Variants in DSCAM observed in about 807,000 individuals in gnomAD.
DSCAM encodes cell adhesion molecule DSCAM.
In DSCAM, 47 loss-of-function variants were observed where a neutral mutation model predicts 217.7. The ratio of observed to expected loss-of-function variants is 0.22; its 90% CI spans 0.17 to 0.28. The LOEUF is 0.28. Among genes scored for constraint, DSCAM ranks in the 10% least tolerant of loss-of-function variants. The pLI is 1.00. For missense variants in DSCAM, 2,080 were observed against 2,618.3 expected, an observed-to-expected ratio of 0.79 and a Z score of 4.49; for synonymous variants, 1,056 against 1,015.3, an observed-to-expected ratio of 1.04 and a Z score of -0.76.
intron 15 of DSCAM, 126 bp downstream of exon 15, chr21:40,178,801 G>C: frequency 8.8e-7 from 1 of 1,136,054 alleles, no homozygotes; most frequent in Non-Finnish European, 1.3e-6. Flanking sequence ...ACAGAACTAC[G>C]GAGAGCACGC....
At chr21:40,256,354 T>C (rs963810634) in intron 11 of DSCAM, among the ~76,000 whole-genome samples, 6 of 151,350 alleles carry the variant, frequency 4.0e-5, no homozygotes, top group African/African-American at 1.5e-4. Context: ...AAATCTGCAT[T>C]AGTCAGGGCT....
intron 1 of DSCAM, among the ~76,000 whole-genome samples, chr21:40,815,624 G>A (rs916350806): frequency 2.0e-5 from 3 of 152,178 alleles, no homozygotes; most frequent in African/African-American, 7.2e-5. Context: ...CACCCAGGGT[G>A]TGCTTCCTTG....
chr21:40,528,552 C>A (rs1473688127), intron 3 of DSCAM, among the ~76,000 whole-genome samples: 3 of 152,194 alleles, frequency 2.0e-5, no homozygotes, highest in African/African-American at 7.2e-5. Flanking sequence ...ATTTCTTCTA[C>A]TTCAATCGTC....
intron 1 of DSCAM, among the ~76,000 whole-genome samples, chr21:40,817,802 A>C (rs750248380): frequency 1.1e-4 from 17 of 152,208 alleles, no homozygotes; most frequent in Non-Finnish European, 2.1e-4. Context: ...CATCACTTCA[A>C]GAAGCTCCCG....
intron 1 of DSCAM, among the ~76,000 whole-genome samples, chr21:40,741,713 C>A (rs530729977): frequency 6.6e-6 from 1 of 152,180 alleles, no homozygotes; most frequent in African/African-American, 2.4e-5. Context: ...AATACTGCAG[C>A]CCCATCCAGA....
chr21:40,671,304 G>T (rs893242427), intron 3 of DSCAM, among the ~76,000 whole-genome samples: 1 of 152,196 alleles, frequency 6.6e-6, no homozygotes, highest in Non-Finnish European at 1.5e-5. Flanking sequence ...AAACTTATAA[G>T]GAGAACAGAT....
chr21:40,285,094 C>A (rs1444680703), intron 10 of DSCAM, among the ~76,000 whole-genome samples: 2 of 152,160 alleles, frequency 1.3e-5, no homozygotes, highest in East Asian at 3.9e-4. Context: ...GCCCTTCACT[C>A]ACTTATCAGA....
intron 1 of DSCAM, among the ~76,000 whole-genome samples, chr21:40,710,611 TATC>T (rs1486796461): frequency 2.6e-5 from 4 of 152,206 alleles, no homozygotes; most frequent in African/African-American, 9.7e-5. Context: ...TACAAGTAAA[TATC>T]ATCAAATGTG....
At chr21:40,257,494 ACAC>A (rs2073389674) in intron 11 of DSCAM, among the ~76,000 whole-genome samples, 1 of 149,480 alleles carries the variant, frequency 6.7e-6, no homozygotes, top group South Asian at 2.1e-4. Flanking sequence ...ACACACACAC[ACAC>A]AATGGCAAAC....
At chr21:40,427,164 T>G (rs942775192) in intron 3 of DSCAM, among the ~76,000 whole-genome samples, 4 of 152,206 alleles carry the variant, frequency 2.6e-5, no homozygotes, top group African/African-American at 7.2e-5. Flanking sequence ...AGCTGACTGC[T>G]GCTCTGGTCA....
chr21:40,457,796 TTAAAG>T (rs2075775763), intron 3 of DSCAM, among the ~76,000 whole-genome samples: 1 of 152,166 alleles, frequency 6.6e-6, no homozygotes, highest in Non-Finnish European at 1.5e-5. Flanking sequence ...GTGGTAAGTT[TTAAAG>T]TATTTACAAA....
intron 3 of DSCAM, among the ~76,000 whole-genome samples, chr21:40,546,767 T>C (rs1322348629): frequency 6.6e-6 from 1 of 152,210 alleles, no homozygotes; most frequent in African/African-American, 2.4e-5. Flanking sequence ...TCTCATTTAA[T>C]ATTTATTGGG....
chr21:40,439,072 T>C (rs572484058), intron 3 of DSCAM, among the ~76,000 whole-genome samples: 159 of 152,238 alleles, frequency 1.0e-3, no homozygotes, highest in African/African-American at 2.9e-3. Context: ...TTACCACCCA[T>C]TAGCTGTGCA....
chr21:40,268,155 G>C (rs1401806561), intron 11 of DSCAM, among the ~76,000 whole-genome samples: 1 of 152,174 alleles, frequency 6.6e-6, no homozygotes, highest in Non-Finnish European at 1.5e-5. Flanking sequence ...TCCTCTGCCA[G>C]GCATTATGTT....
chr21:40,175,801 A>ACG (rs1419266965), intron 15 of DSCAM, among the ~76,000 whole-genome samples: 2,051 of 109,980 alleles, frequency 0.019, 53 homozygotes, highest in African/African-American at 0.063. Context: ...ACACACACAC[A>ACG]CACACACGCA....
intron 3 of DSCAM, among the ~76,000 whole-genome samples, chr21:40,515,776 C>G (rs933851625): frequency 6.6e-6 from 1 of 152,040 alleles, no homozygotes; most frequent in Admixed American, 6.5e-5. Context: ...TAACTGATTT[C>G]AAAAATTATT....
At chr21:40,379,399 C>T (rs538377281) in intron 3 of DSCAM, among the ~76,000 whole-genome samples, 3 of 152,260 alleles carry the variant, frequency 2.0e-5, no homozygotes, top group South Asian at 2.1e-4. Context: ...ATGTTGCTGT[C>T]GGGAGTAGAT....
At chr21:40,021,255 A>G in intron 32 of DSCAM, among the ~76,000 whole-genome samples, 1 of 151,528 alleles carries the variant, frequency 6.6e-6, no homozygotes, top group Non-Finnish European at 1.5e-5. Flanking sequence ...GCAGGTCGGT[A>G]GACAGATAAA....
chr21:40,656,029 G>A (rs933574065), intron 3 of DSCAM, among the ~76,000 whole-genome samples: 1 of 152,080 alleles, frequency 6.6e-6, no homozygotes, highest in African/African-American at 2.4e-5. Flanking sequence ...TCCAGCTTGG[G>A]TGACAGAGTG....
Sources: gnomAD v4.1 joint callset for allele counts (sites outside exome capture counted in the v4.1 genomes callset) on GRCh38, gnomAD v4.1.1 for gene constraint, MANE v1.5 for transcripts, NCBI Gene and HGNC (gene_info 2026-07-23, HGNC 2026-07-21) for gene names.